TRPM3: variants seen among roughly 807,000 people sequenced by gnomAD.
The protein encoded by TRPM3 is transient receptor potential cation channel subfamily M member 3, also known as long transient receptor potential channel 3.
In TRPM3, 77 loss-of-function variants were observed where a neutral mutation model predicts 181.2. The observed-to-expected ratio is 0.42, with a 90% CI of 0.35 to 0.51. The LOEUF (loss-of-function observed/expected upper bound fraction) is 0.51, where lower values mean the gene tolerates loss of function less well. Among genes scored for constraint, TRPM3 ranks in the 20% least tolerant of loss-of-function variants. The pLI, the probability that TRPM3 is intolerant of heterozygous loss-of-function variation, is 0.01. For missense variants in TRPM3, 1,759 were observed against 2,196.7 expected (o/e 0.80, Z 3.98); for synonymous variants, 745 against 796.4 (o/e 0.94, Z 1.09).
intron 1 of TRPM3, among the ~76,000 whole-genome samples, chr9:70,992,995 G>A (rs1010344006): frequency 2.0e-5 from 3 of 152,122 alleles, no homozygotes; most frequent in African/African-American, 7.2e-5. Context: ...ACAGAAACAA[G>A]TACAAACCCC....
intron 1 of TRPM3, among the ~76,000 whole-genome samples, chr9:71,021,770 TC>T (rs2134513475): frequency 6.6e-6 from 1 of 152,170 alleles, no homozygotes; most frequent in African/African-American, 2.4e-5. Flanking sequence ...GCACAGGTGA[TC>T]AGTGAACAAA....
At chr9:71,434,838 T>C (rs1484820465) in intron 1 of TRPM3, among the ~76,000 whole-genome samples, 2 of 152,182 alleles carry the variant, frequency 1.3e-5, no homozygotes, top group African/African-American at 4.8e-5. Flanking sequence ...TCTATTACTA[T>C]AATCTTTATT....
At chr9:70,645,841 G>A (rs2058759674) in intron 9 of TRPM3, among the ~76,000 whole-genome samples, 2 of 151,948 alleles carry the variant, frequency 1.3e-5, no homozygotes, top group African/African-American at 4.8e-5. Flanking sequence ...ATCTGACAAA[G>A]GGCTAATATC....
chr9:70,669,541 T>C (rs1307303763), intron 9 of TRPM3, among the ~76,000 whole-genome samples: 1 of 152,062 alleles, frequency 6.6e-6, no homozygotes, highest in Non-Finnish European at 1.5e-5. Flanking sequence ...AACCACTCTC[T>C]CCTGTGAAAT....
chr9:71,415,581 T>C (rs1248709706), intron 1 of TRPM3, among the ~76,000 whole-genome samples: 3 of 151,912 alleles, frequency 2.0e-5, no homozygotes, highest in Non-Finnish European at 4.4e-5. Flanking sequence ...TTTAGAAGTA[T>C]AAGAAAATTA....
intron 9 of TRPM3, among the ~76,000 whole-genome samples, chr9:70,661,731 C>T (rs2061164979): frequency 6.6e-6 from 1 of 151,896 alleles, no homozygotes; most frequent in African/African-American, 2.4e-5. Flanking sequence ...GGTGAAAGAT[C>T]TCTACCAAAA....
chr9:71,200,742 C>G (rs1008552981), intron 1 of TRPM3, among the ~76,000 whole-genome samples: 3 of 152,180 alleles, frequency 2.0e-5, no homozygotes, highest in East Asian at 3.9e-4. Flanking sequence ...CTTCCTCCAT[C>G]CTTTTATTTT....
chr9:70,647,445 T>C (rs993140192), intron 9 of TRPM3, among the ~76,000 whole-genome samples: 1 of 152,048 alleles, frequency 6.6e-6, no homozygotes. Flanking sequence ...AAAAAACACA[T>C]GATAATCTTA....
intron 1 of TRPM3, among the ~76,000 whole-genome samples, chr9:71,149,610 C>A (rs2075619033): frequency 1.3e-5 from 2 of 151,992 alleles, no homozygotes; most frequent in South Asian, 4.1e-4. Flanking sequence ...AATGAAAATC[C>A]ACTTGGAAAT....
At chr9:70,898,162 G>T (rs188920369) in intron 1 of TRPM3, among the ~76,000 whole-genome samples, 8 of 150,374 alleles carry the variant, frequency 5.3e-5, no homozygotes, top group Non-Finnish European at 1.0e-4. Flanking sequence ...TGGCTCTGTC[G>T]CCCAGGCTGG....
intron 1 of TRPM3, among the ~76,000 whole-genome samples, chr9:71,063,785 TAAAG>T (rs2133390013): frequency 6.6e-6 from 1 of 152,182 alleles, no homozygotes; most frequent in Admixed American, 6.6e-5. Flanking sequence ...CTCTTGCTGA[TAAAG>T]AAACACCGCC....
chr9:70,971,395 T>C (rs551429988), intron 1 of TRPM3, among the ~76,000 whole-genome samples: 1 of 152,246 alleles, frequency 6.6e-6, no homozygotes, highest in East Asian at 1.9e-4. Flanking sequence ...ATCCCCTTGG[T>C]GATCCTTATT....
At position 71,410,177 on chromosome 9, in the gene TRPM3, C is replaced by G. The variant is rs1314064495; in HGVS notation, c.183+36476G>C. Among the ~76,000 whole-genome samples the G allele has an allele frequency of 4.6e-5, 7 of 151,726 alleles. No individual in the cohort carries two copies. The East Asian group carries it at 1.2e-3, about 25-fold the overall frequency. The stretch of plus-strand genomic sequence containing the variant: ...AGCAGGAAAGATCTAAAATTGACAC[C>G]CTAACATCACAATTAAAAGAACTGG... On this transcript the variant is annotated intron_variant, in intron 1 of 24. Coordinates refer to the TRPM3 transcript ENST00000357533.
chr9:71,227,141 A>G (rs867591236), intron 1 of TRPM3, among the ~76,000 whole-genome samples: 1 of 150,970 alleles, frequency 6.6e-6, no homozygotes. Flanking sequence ...AGAGAGAAAT[A>G]TATCAAGTAA....
At chr9:71,276,002 C>T (rs554655779) in intron 1 of TRPM3, among the ~76,000 whole-genome samples, 11 of 152,118 alleles carry the variant, frequency 7.2e-5, no homozygotes, top group South Asian at 6.2e-4. Context: ...CCACCACACC[C>T]GGCTAATTTT....
chr9:71,198,256 G>A (rs1457870057), intron 1 of TRPM3, among the ~76,000 whole-genome samples: 1 of 152,090 alleles, frequency 6.6e-6, no homozygotes, highest in East Asian at 1.9e-4. Context: ...CCAGTACCAT[G>A]CTGTTTTGGT....
intron 1 of TRPM3, among the ~76,000 whole-genome samples, chr9:70,966,667 CACTT>C (rs2097188621): frequency 6.6e-6 from 1 of 152,070 alleles, no homozygotes; most frequent in African/African-American, 2.4e-5. Context: ...CGCGTGTTCT[CACTT>C]ATAAGTGGGA....
At chr9:71,274,536 A>G (rs1332985290) in intron 1 of TRPM3, among the ~76,000 whole-genome samples, 1 of 152,314 alleles carries the variant, frequency 6.6e-6, no homozygotes, top group Middle Eastern at 3.4e-3. Flanking sequence ...AAATGCTGCA[A>G]AGACTAGTTA....
At chr9:71,022,739 T>C (rs765543487) in intron 1 of TRPM3, among the ~76,000 whole-genome samples, 28 of 151,816 alleles carry the variant, frequency 1.8e-4, no homozygotes, top group Non-Finnish European at 4.0e-4. Context: ...CATAATAAAA[T>C]AAAATAAAAA....
Sources: gnomAD v4.1 joint callset for allele counts (sites outside exome capture counted in the v4.1 genomes callset) on GRCh38, gnomAD v4.1.1 for gene constraint, MANE v1.5 for transcripts, NCBI Gene and HGNC (gene_info 2026-07-23, HGNC 2026-07-21) for gene names.